Variants in LRRN3 observed in about 807,000 individuals in gnomAD.
LRRN3 encodes the protein leucine rich repeat neuronal 3.
Under a neutral mutation model 40.1 loss-of-function variants are expected in LRRN3, and 15 were observed. That is an observed-to-expected ratio of 0.37 (90% confidence interval 0.25 to 0.58). LRRN3 has a LOEUF of 0.58. LRRN3 is among the 20% of genes least tolerant of loss of function. The pLI is 0.72. For missense variants in LRRN3, 746 were observed against 837.7 expected (o/e 0.89, Z 1.35); for synonymous variants, 308 against 297.2 (o/e 1.04, Z -0.37).
chr7:111,111,992 G>T (rs1799287939), intron 2 of LRRN3, among the ~76,000 whole-genome samples: 1 of 124,048 alleles, frequency 8.1e-6, no homozygotes, highest in African/African-American at 3.2e-5. Flanking sequence ...CTGTCTCCCA[G>T]GCTGGAGTGC....
At chr7:111,108,869 T>C (rs567891494) in intron 2 of LRRN3, among the ~76,000 whole-genome samples, 127 of 152,284 alleles carry the variant, frequency 8.3e-4, no homozygotes, top group African/African-American at 3.1e-3. Flanking sequence ...TAAAAGCAAC[T>C]GATATTCATT....
chr7:111,094,626 T>C (rs868122224), intron 1 of LRRN3, among the ~76,000 whole-genome samples: 5 of 152,174 alleles, frequency 3.3e-5, no homozygotes, highest in African/African-American at 9.7e-5. Flanking sequence ...ATATTGGCTA[T>C]GCAATGAGTA....
At chr7:111,109,221 A>T (rs1798903951) in intron 2 of LRRN3, among the ~76,000 whole-genome samples, 1 of 152,170 alleles carries the variant, frequency 6.6e-6, no homozygotes, top group African/African-American at 2.4e-5. Context: ...GTTCATTGCC[A>T]GCTACATGAT....
chr7:111,107,249 G>A (rs908386869), intron 2 of LRRN3, among the ~76,000 whole-genome samples: 1 of 151,658 alleles, frequency 6.6e-6, no homozygotes, highest in African/African-American at 2.4e-5. Flanking sequence ...GACAGACTTT[G>A]AAGAAAAGTT....
chr7:111,117,246 C>A (rs1799995358), intron 2 of LRRN3, among the ~76,000 whole-genome samples: 2 of 151,994 alleles, frequency 1.3e-5, no homozygotes, highest in Admixed American at 6.6e-5. Flanking sequence ...TTGTTAGACA[C>A]CTTTGGAAAA....
At chr7:111,095,962 T>C (rs1797354855) in intron 1 of LRRN3, among the ~76,000 whole-genome samples, 1 of 151,984 alleles carries the variant, frequency 6.6e-6, no homozygotes, top group Admixed American at 6.6e-5. Flanking sequence ...CAGTAGGCAA[T>C]GATATCTCCT....
In LRRN3 at chr7:111,122,885, G is replaced by C; in HGVS notation, c.113G>C (p.Arg38Thr). Reference sequence around the variant, plus strand: ...CCACGGTTATGTACGTGTGAAATCAGGCCTTGGTTTACACCCAGATCCATT... The same window carrying C: ...CCACGGTTATGTACGTGTGAAATCACGCCTTGGTTTACACCCAGATCCATT... Reference protein sequence around the residue: ...DCPRLCTCEIRPWFTPRSIYM... With the variant: ...DCPRLCTCEITPWFTPRSIYM... Residue 38 changes from arginine (R) to threonine (T), a missense_variant, in exon 3 of 3, where the codon AGG becomes ACG. Physicochemically the swap from Arg to Thr is moderately conservative, Grantham distance 71 (BLOSUM62 -1). Transcript: ENST00000308478. 6.2e-7 allele frequency: 1 copy of C among 1,614,024 alleles called. No homozygotes were observed. The highest frequency in any genetic ancestry group is 1.7e-5 in the Admixed American group (1 of 59,988).
intron 2 of LRRN3, among the ~76,000 whole-genome samples, chr7:111,113,074 A>C (rs1423330762): frequency 6.6e-6 from 1 of 152,194 alleles, no homozygotes; most frequent in African/African-American, 2.4e-5. Context: ...AACTACCCAG[A>C]AACCTTCTAC....
At chr7:111,111,271 C>A (rs76906985) in intron 2 of LRRN3, among the ~76,000 whole-genome samples, 1 of 146,726 alleles carries the variant, frequency 6.8e-6, no homozygotes, top group African/African-American at 2.5e-5. Context: ...GTGGGCATAT[C>A]GCCCATGCTC....
chr7:111,101,162 AT>A (rs775599326), intron 2 of LRRN3, among the ~76,000 whole-genome samples: 7 of 151,386 alleles, frequency 4.6e-5, no homozygotes, highest in Non-Finnish European at 1.0e-4. Context: ...GCTGCTCTGG[AT>A]TTTACTTGAT....
At position 111,124,932 on chromosome 7, in the gene LRRN3, CAA is replaced by C. The variant is rs398005852; in HGVS notation, c.*45_*46del. The stretch of plus-strand genomic sequence containing the variant: ...CAAGGAAACCTACTCCAAAAATGAA[CAA>C]AAAAAAAAAAAGCGAAAGACTGCAG... On this transcript the variant is annotated 3_prime_UTR_variant, in exon 3 of 3. Coordinates refer to ENST00000308478, the MANE Select transcript of LRRN3 (RefSeq NM_001099658.2). The C allele has an allele frequency of 3.2e-3, 2,815 of 872,378 alleles. No individual in the cohort carries two copies. The highest frequency in any genetic ancestry group is 6.0e-3 in the South Asian group (224 of 37,268). 54.0% of individuals were successfully genotyped at this position (872,378 alleles called of 1,614,324 possible). A position where few individuals can be genotyped will look rare whatever the true frequency, so the allele number is the denominator to read the frequency against.
intron 2 of LRRN3, among the ~76,000 whole-genome samples, chr7:111,102,289 C>A (rs1318800711): frequency 6.6e-6 from 1 of 151,068 alleles, no homozygotes; most frequent in Non-Finnish European, 1.5e-5. Flanking sequence ...TCAAATCATT[C>A]TTTTTTTTAA....
chr7:111,091,783 G>A (rs1051382449), intron 1 of LRRN3, among the ~76,000 whole-genome samples: 5 of 151,684 alleles, frequency 3.3e-5, no homozygotes, highest in African/African-American at 1.2e-4. Flanking sequence ...TTGGGGGGAG[G>A]AGAAAAAGGA....
rs532098739 is a variant in LRRN3, at chr7:111,109,302, C to T, written c.-359+9340C>T. 2.6e-5 allele frequency among the ~76,000 whole-genome samples: 4 copies of T among 151,794 alleles called. No individual in the cohort carries two copies. In the South Asian group the frequency reaches 8.3e-4, roughly 32 times the overall value. Reference sequence around the variant, plus strand: ...AGGTTTCCAAGGTATGACGGAGGCACATCTCATACAAGAGCAAGAAAACCC... The same window carrying T: ...AGGTTTCCAAGGTATGACGGAGGCATATCTCATACAAGAGCAAGAAAACCC... On this transcript the variant is annotated intron_variant, in intron 2 of 2. Transcript: ENST00000308478.
At chr7:111,119,314 T>G (rs1563263472) in intron 2 of LRRN3, among the ~76,000 whole-genome samples, 1 of 152,202 alleles carries the variant, frequency 6.6e-6, no homozygotes, top group Non-Finnish European at 1.5e-5. Flanking sequence ...CAAATGAGCA[T>G]GCATACGGAA....
At chr7:111,103,131 A>G (rs1053228194) in intron 2 of LRRN3, among the ~76,000 whole-genome samples, 3 of 151,624 alleles carry the variant, frequency 2.0e-5, no homozygotes, top group Non-Finnish European at 4.4e-5. Flanking sequence ...AATTTTAACA[A>G]TATCTATTAG....
intron 2 of LRRN3, among the ~76,000 whole-genome samples, chr7:111,105,752 G>C (rs904424375): frequency 2.0e-5 from 3 of 151,574 alleles, no homozygotes; most frequent in Admixed American, 6.6e-5. Context: ...TTATGCAAAA[G>C]GTGAAAAGAA....
chr7:111,109,100 G>T (rs1798881950), intron 2 of LRRN3, among the ~76,000 whole-genome samples: 1 of 152,120 alleles, frequency 6.6e-6, no homozygotes, highest in African/African-American at 2.4e-5. Context: ...GACTTTAGGG[G>T]ATATTTTAAG....
At chr7:111,119,344 TC>T (rs1800297446) in intron 2 of LRRN3, among the ~76,000 whole-genome samples, 1 of 152,184 alleles carries the variant, frequency 6.6e-6, no homozygotes, top group African/African-American at 2.4e-5. Context: ...TCTGTTTACT[TC>T]TGTTTCCCCT....
Sources: allele counts gnomAD v4.1 joint callset (sites outside exome capture counted in the v4.1 genomes callset), GRCh38; gene constraint gnomAD v4.1.1; transcripts MANE v1.5; gene names NCBI Gene and HGNC (gene_info 2026-07-23, HGNC 2026-07-21).